AHI1: variants seen among roughly 807,000 people sequenced by gnomAD.
AHI1 encodes jouberin.
In AHI1, 123 loss-of-function variants were observed where a neutral mutation model predicts 149.3. The observed-to-expected ratio is 0.82, with a 90% CI of 0.71 to 0.96. The LOEUF is 0.96. AHI1 is among the 40% of genes least tolerant of loss of function. AHI1 has a pLI of 0.00. For missense variants in AHI1, 1,439 were observed against 1,422.7 expected (o/e 1.01, Z -0.18); for synonymous variants, 475 against 459.8 (o/e 1.03, Z -0.42).
chr6:135,492,795 T>C, intron 3 of AHI1: 1 of 985,352 alleles, frequency 1.0e-6, no homozygotes, highest in Non-Finnish European at 1.2e-6. Flanking sequence ...TGCACCATCT[T>C]TCTTTAATAA....
intron 21 of AHI1, among the ~76,000 whole-genome samples, chr6:135,407,380 T>C (rs1780940746): frequency 6.6e-6 from 1 of 152,178 alleles, no homozygotes; most frequent in Non-Finnish European, 1.5e-5. Context: ...GTTTGCACAA[T>C]ATAGAATGAG....
intron 22 of AHI1, among the ~76,000 whole-genome samples, chr6:135,402,237 C>A (rs1031440519): frequency 3.3e-5 from 5 of 152,120 alleles, no homozygotes; most frequent in African/African-American, 1.2e-4. Context: ...GAAAATGGTT[C>A]ACATGCTCTG....
At chr6:135,422,147 C>G (rs1040976100) in intron 20 of AHI1, among the ~76,000 whole-genome samples, 4 of 152,088 alleles carry the variant, frequency 2.6e-5, no homozygotes, top group Non-Finnish European at 5.9e-5. Flanking sequence ...CTATATTGTA[C>G]AGAAAACTGT....
chr6:135,475,007 A>G (rs972208740), intron 5 of AHI1, among the ~76,000 whole-genome samples: 3 of 152,210 alleles, frequency 2.0e-5, no homozygotes, highest in African/African-American at 7.2e-5. Flanking sequence ...CAAATGTTTG[A>G]GAAAAGTTAC....
chr6:135,382,463 T>C (rs1300242792), intron 23 of AHI1, among the ~76,000 whole-genome samples: 2 of 152,250 alleles, frequency 1.3e-5, no homozygotes, highest in African/African-American at 4.8e-5. Flanking sequence ...CAATAAGTGA[T>C]GGATATTCAT....
chr6:135,347,163 T>C (rs1479793819), intron 24 of AHI1, among the ~76,000 whole-genome samples: 1 of 152,246 alleles, frequency 6.6e-6, no homozygotes, highest in African/African-American at 2.4e-5. Context: ...TCATCTGTTC[T>C]TTTTAGCTGC....
intron 23 of AHI1, among the ~76,000 whole-genome samples, chr6:135,382,759 C>T (rs1419205835): frequency 6.6e-6 from 1 of 150,966 alleles, no homozygotes; most frequent in African/African-American, 2.4e-5. Context: ...TACTCTGAGA[C>T]ATAAGGATTT....
chr6:135,325,664 T>A (rs1286380449), intron 24 of AHI1, among the ~76,000 whole-genome samples: 1 of 152,204 alleles, frequency 6.6e-6, no homozygotes, highest in Non-Finnish European at 1.5e-5. Context: ...CCAGTCTCAA[T>A]CTCTTTCCTT....
chr6:135,394,980 T>G (rs1226753057), intron 22 of AHI1, 84 bp from the exon 23 acceptor site: 4 of 1,420,506 alleles, frequency 2.8e-6, no homozygotes, highest in Non-Finnish European at 3.8e-6. Flanking sequence ...ATTTGCTTAT[T>G]ATACAAACCA....
intron 18 of AHI1, 76 bp downstream of exon 18, chr6:135,429,806 C>T: frequency 2.2e-6 from 2 of 925,800 alleles, no homozygotes; most frequent in Non-Finnish European, 1.6e-6. Context: ...AGAACCACTA[C>T]CGAATTTTAT....
At chr6:135,294,047 G>A (rs1475845260) in intron 27 of AHI1, among the ~76,000 whole-genome samples, 1 of 152,120 alleles carries the variant, frequency 6.6e-6, no homozygotes, top group Non-Finnish European at 1.5e-5. Flanking sequence ...ATAATGGGCT[G>A]GGTGCCTTGG....
At chr6:135,465,757 C>A in intron 7 of AHI1, 57 bp downstream of exon 7, 1 of 1,349,906 alleles carries the variant, frequency 7.4e-7, no homozygotes, top group South Asian at 1.9e-5. Flanking sequence ...TATTCAAAAC[C>A]TGAAAATAAC....
intron 19 of AHI1, among the ~76,000 whole-genome samples, chr6:135,427,670 A>G (rs1784096507): frequency 6.6e-6 from 1 of 151,594 alleles, no homozygotes; most frequent in Non-Finnish European, 1.5e-5. Flanking sequence ...AGGAGAAATT[A>G]CAGGACTCTA....
intron 23 of AHI1, among the ~76,000 whole-genome samples, chr6:135,359,925 T>C (rs1425753881): frequency 6.6e-6 from 1 of 152,160 alleles, no homozygotes; most frequent in Non-Finnish European, 1.5e-5. Flanking sequence ...CAGATTTTAG[T>C]GTTTCCATTT....
intron 27 of AHI1, among the ~76,000 whole-genome samples, chr6:135,293,246 A>T (rs1782584583): frequency 1.3e-5 from 2 of 152,168 alleles, no homozygotes; most frequent in South Asian, 4.1e-4. Flanking sequence ...GGGCATTTAT[A>T]AAAAACCTAG....
chr6:135,494,135 CTGT>C (rs1419083207), intron 3 of AHI1, among the ~76,000 whole-genome samples: 1 of 152,234 alleles, frequency 6.6e-6, no homozygotes, highest in African/African-American at 2.4e-5. Context: ...TATCATTACA[CTGT>C]AATATAATGC....
chr6:135,489,585 C>A (rs1376402751), intron 5 of AHI1, among the ~76,000 whole-genome samples: 1 of 152,050 alleles, frequency 6.6e-6, no homozygotes, highest in Admixed American at 6.6e-5. Context: ...CCATATTGTG[C>A]ACTAGTACCA....
intron 24 of AHI1, among the ~76,000 whole-genome samples, chr6:135,336,844 C>T (rs1185761167): frequency 1.3e-5 from 2 of 152,142 alleles, no homozygotes; most frequent in African/African-American, 4.8e-5. Context: ...TTACTTAATG[C>T]TTGCTATGTG....
intron 27 of AHI1, among the ~76,000 whole-genome samples, chr6:135,293,238 G>T (rs1015554846): frequency 6.6e-6 from 1 of 151,604 alleles, no homozygotes; most frequent in Admixed American, 6.6e-5. Flanking sequence ...CTAATAAAGG[G>T]CATTTATAAA....
Sources: allele counts gnomAD v4.1 joint callset (sites outside exome capture counted in the v4.1 genomes callset), GRCh38; gene constraint gnomAD v4.1.1; transcripts MANE v1.5; gene names NCBI Gene and HGNC (gene_info 2026-07-23, HGNC 2026-07-21).